SLC9B2: variants seen among roughly 807,000 people sequenced by gnomAD.
SLC9B2 encodes the protein sodium/hydrogen exchanger 9B2.
SLC9B2 carries 39 observed loss-of-function variants against 52.2 expected under a neutral mutation model. The observed-to-expected ratio is 0.75, with a 90% confidence interval of 0.58 to 0.98. SLC9B2 has a LOEUF of 0.98. SLC9B2 is among the 50% of genes least tolerant of loss of function. The probability of loss-of-function intolerance (pLI) is 0.00; values close to 1 mark genes in which losing one functional copy is unlikely to be tolerated. For missense variants in SLC9B2, 626 were observed against 637.5 expected, an observed-to-expected ratio of 0.98 and a Z score of 0.19; for synonymous variants, 214 against 227.0, an observed-to-expected ratio of 0.94 and a Z score of 0.51.
intron 1 of SLC9B2, among the ~76,000 whole-genome samples, chr4:103,068,696 C>T (rs1275025954): frequency 6.6e-6 from 1 of 152,088 alleles, no homozygotes; most frequent in Non-Finnish European, 1.5e-5. Context: ...GAAACTTACT[C>T]CTAATGCAAC....
chr4:103,061,035 T>C (rs551502342), intron 3 of SLC9B2, among the ~76,000 whole-genome samples: 1 of 152,240 alleles, frequency 6.6e-6, no homozygotes, highest in South Asian at 2.1e-4. Context: ...CTGTTAGACT[T>C]CTCCCAACCT....
intron 9 of SLC9B2, among the ~76,000 whole-genome samples, chr4:103,039,678 C>T (rs925374644): frequency 1.1e-4 from 15 of 137,980 alleles, no homozygotes; most frequent in Admixed American, 2.3e-4. Context: ...GATGGAGTCT[C>T]GGTCTGTCGC....
At chr4:103,058,579 T>C (rs1560556134) in intron 3 of SLC9B2, among the ~76,000 whole-genome samples, 1 of 152,108 alleles carries the variant, frequency 6.6e-6, no homozygotes, top group African/African-American at 2.4e-5. Flanking sequence ...TTAAAAATTT[T>C]TTAGTGGAGA....
At chr4:103,039,719 C>T (rs1743472609) in intron 9 of SLC9B2, among the ~76,000 whole-genome samples, 1 of 145,046 alleles carries the variant, frequency 6.9e-6, no homozygotes, top group South Asian at 2.2e-4. Context: ...GTGATCTGGG[C>T]TCACTGCAAC....
chr4:103,072,654 G>A (rs924618485), intron 1 of SLC9B2, among the ~76,000 whole-genome samples: 2 of 152,146 alleles, frequency 1.3e-5, no homozygotes, highest in African/African-American at 2.4e-5. Context: ...GTAGGCTCTC[G>A]GTCAAGTAAA....
chr4:103,047,262 T>C (rs1744236669), intron 6 of SLC9B2, 36 bp from the exon 7 acceptor site: 1 of 1,541,340 alleles, frequency 6.5e-7, no homozygotes, highest in Non-Finnish European at 8.8e-7. Flanking sequence ...TATGATAACA[T>C]CTTACTTATT....
chr4:103,047,270 ATT>A (rs1460608713), intron 6 of SLC9B2, 44 bp from the exon 7 acceptor site: 1 of 1,506,010 alleles, frequency 6.6e-7, no homozygotes, highest in East Asian at 2.4e-5. Flanking sequence ...CATCTTACTT[ATT>A]ACTATTTTGA....
intron 1 of SLC9B2, among the ~76,000 whole-genome samples, chr4:103,070,990 C>T (rs1746569352): frequency 6.6e-6 from 1 of 151,930 alleles, no homozygotes; most frequent in South Asian, 2.1e-4. Context: ...TTTCTCCCCA[C>T]TTGAAAGAAT....
chr4:103,033,920 T>C (rs936323639), intron 9 of SLC9B2, among the ~76,000 whole-genome samples: 4 of 152,184 alleles, frequency 2.6e-5, no homozygotes, highest in African/African-American at 9.7e-5. Flanking sequence ...CCTATCAAAC[T>C]ACCAATGACA....
intron 3 of SLC9B2, among the ~76,000 whole-genome samples, chr4:103,062,768 G>C (rs1293234346): frequency 6.6e-6 from 1 of 152,060 alleles, no homozygotes; most frequent in East Asian, 1.9e-4. Flanking sequence ...CCACCACCAT[G>C]CATGGCTAAT....
At chr4:103,060,637 T>C (rs971734575) in intron 3 of SLC9B2, among the ~76,000 whole-genome samples, 8 of 151,860 alleles carry the variant, frequency 5.3e-5, no homozygotes, top group African/African-American at 1.5e-4. Context: ...CCTTGGAACT[T>C]TGTCTAAAAC....
At chr4:103,067,003 A>G (rs1285377098) in intron 2 of SLC9B2, among the ~76,000 whole-genome samples, 1 of 151,868 alleles carries the variant, frequency 6.6e-6, no homozygotes, top group Non-Finnish European at 1.5e-5. Context: ...AAAAAAAAAA[A>G]TCCAAGACAC....
At chr4:103,062,017 A>G (rs1259371317) in intron 3 of SLC9B2, among the ~76,000 whole-genome samples, 1 of 152,280 alleles carries the variant, frequency 6.6e-6, no homozygotes, top group East Asian at 1.9e-4. Flanking sequence ...TTTCTATGCG[A>G]TATCAGAGGT....
At chr4:103,038,010 C>T (rs564645007) in intron 9 of SLC9B2, among the ~76,000 whole-genome samples, 51 of 151,974 alleles carry the variant, frequency 3.4e-4, no homozygotes, top group Non-Finnish European at 4.9e-4. Flanking sequence ...TACAGGTGTG[C>T]ACCACCACAC....
rs564375890 is a variant in SLC9B2, at chr4:103,031,125, G to T, written c.1255+575C>A. On this transcript the variant is annotated intron_variant, in intron 10 of 11. Transcript: ENST00000394785. Reference sequence around the variant, plus strand: ...AGAATCCATATGCAAGATTCAGAAGGAGTAGCGGGAGATGGGATTCCTAGT... The same window carrying T: ...AGAATCCATATGCAAGATTCAGAAGTAGTAGCGGGAGATGGGATTCCTAGT... 1.3e-3 allele frequency among the ~76,000 whole-genome samples: 191 copies of T among 152,250 alleles called. No individual in the cohort carries two copies. The Middle Eastern group carries it at 0.017, about 14-fold the overall frequency.
At chr4:103,037,658 C>T (rs1743290679) in intron 9 of SLC9B2, among the ~76,000 whole-genome samples, 1 of 152,130 alleles carries the variant, frequency 6.6e-6, no homozygotes, top group Admixed American at 6.5e-5. Flanking sequence ...TTTGAACCCT[C>T]CACCACTAAC....
chr4:103,042,173 T>C (rs1040427154), intron 9 of SLC9B2: 1 of 152,126 alleles, frequency 6.6e-6, no homozygotes, highest in Non-Finnish European at 1.5e-5. Context: ...TCCACTTAAT[T>C]GAGTTATGAT....
intron 9 of SLC9B2, among the ~76,000 whole-genome samples, chr4:103,039,610 T>C (rs1372067946): frequency 6.6e-6 from 1 of 151,836 alleles, no homozygotes; most frequent in Non-Finnish European, 1.5e-5. Context: ...TTCCTTCCTT[T>C]TTTTGGGGAA....
chr4:103,048,277 T>C (rs935037179), intron 6 of SLC9B2, among the ~76,000 whole-genome samples: 3 of 152,212 alleles, frequency 2.0e-5, no homozygotes, highest in African/African-American at 7.2e-5. Flanking sequence ...ATCTTAATTT[T>C]ATAATTGAGG....
Sources: gnomAD v4.1 joint callset for allele counts (sites outside exome capture counted in the v4.1 genomes callset) on GRCh38, gnomAD v4.1.1 for gene constraint, MANE v1.5 for transcripts, NCBI Gene and HGNC (gene_info 2026-07-23, HGNC 2026-07-21) for gene names.